Variants in DOCK8 observed in about 807,000 individuals in gnomAD.
DOCK8 encodes the protein dedicator of cytokinesis protein 8.
A neutral mutation model predicts 245.6 loss-of-function variants in DOCK8; 141 were observed. The observed-to-expected ratio is 0.57, with a 90% CI of 0.50 to 0.66. The LOEUF (loss-of-function observed/expected upper bound fraction) is 0.66, where lower values mean the gene tolerates loss of function less well. Among genes scored for constraint, DOCK8 ranks in the 30% least tolerant of loss-of-function variants. The probability of loss-of-function intolerance (pLI) is 0.00; values close to 1 mark genes in which losing one functional copy is unlikely to be tolerated. For missense variants in DOCK8, 2,965 were observed against 2,603.4 expected (o/e 1.14, Z -3.02); for synonymous variants, 1,168 against 970.2 (o/e 1.20, Z -3.79).
intron 7 of DOCK8, among the ~76,000 whole-genome samples, chr9:324,105 T>A (rs1055068809): frequency 4.6e-5 from 7 of 152,154 alleles, no homozygotes; most frequent in African/African-American, 1.7e-4. Flanking sequence ...GTAACCTGAT[T>A]AGGGTCGCAG....
intron 22 of DOCK8, among the ~76,000 whole-genome samples, chr9:384,248 A>C (rs73641539): frequency 0.072 from 10,964 of 152,220 alleles, 1,313 homozygotes; most frequent in African/African-American, 0.25. Context: ...TAAAAGATGG[A>C]GTATACGATC....
intron 25 of DOCK8, among the ~76,000 whole-genome samples, chr9:398,052 T>G (rs137872916): frequency 2.6e-5 from 4 of 152,384 alleles, no homozygotes; most frequent in African/African-American, 9.6e-5. Flanking sequence ...AGAATGTGCA[T>G]AGTACCAAGT....
At chr9:323,246 C>G (rs1267809250) in intron 7 of DOCK8, among the ~76,000 whole-genome samples, 4 of 97,120 alleles carry the variant, frequency 4.1e-5, no homozygotes. Context: ...TTTTTTGAGA[C>G]AGAGTCTCAC....
At chr9:412,422 G>GA (rs2055781847) in intron 28 of DOCK8, among the ~76,000 whole-genome samples, 1 of 135,152 alleles carries the variant, frequency 7.4e-6, no homozygotes, top group African/African-American at 2.8e-5. Context: ...AAAAAAAAAA[G>GA]AAAAAGAAGA....
chr9:340,353 G>C, intron 14 of DOCK8, 32 bp downstream of exon 14: 1 of 1,613,276 alleles, frequency 6.2e-7, no homozygotes, highest in Non-Finnish European at 8.5e-7. Context: ...TGGGCGTGGT[G>C]GCTTACACCA....
intron 14 of DOCK8, among the ~76,000 whole-genome samples, chr9:353,791 T>C (rs989931834): frequency 6.6e-6 from 1 of 152,190 alleles, no homozygotes; most frequent in Non-Finnish European, 1.5e-5. Flanking sequence ...ATTTTGTTTT[T>C]ATCTGCAGGA....
rs781052074 is a variant in DOCK8, at chr9:396,769, C to G, written c.2971-16C>G. ...ACCAATCTCCATGTTGACATTTCCT[C>G]CATCCCCCTCCGCAGGTGAAAAGCA... On this transcript the variant is annotated splice_polypyrimidine_tract_variant and intron_variant, in intron 24 of 47. Transcript: ENST00000432829. 2 of 1,614,142 alleles carry G rather than the reference C, an allele frequency of 1.2e-6. No homozygotes were observed. Among genetic ancestry groups the G allele is most frequent in the Non-Finnish European group, 1.7e-6 (2 of 1,180,012 alleles).
chr9:371,763 G>T (rs2053296735), intron 17 of DOCK8, among the ~76,000 whole-genome samples, 197 bp downstream of exon 17: 1 of 152,258 alleles, frequency 6.6e-6, no homozygotes, highest in Admixed American at 6.5e-5. Flanking sequence ...AAGCTAGCGG[G>T]TGATAGATGT....
intron 6 of DOCK8, chr9:312,451 G>C (rs779218652): frequency 3.7e-6 from 2 of 547,324 alleles, no homozygotes; most frequent in Non-Finnish European, 3.5e-6. Context: ...AATGTTTCAA[G>C]GGTCTACATG....
At chr9:428,868 T>C (rs1564057451) in intron 35 of DOCK8, among the ~76,000 whole-genome samples, 1 of 152,228 alleles carries the variant, frequency 6.6e-6, no homozygotes, top group Non-Finnish European at 1.5e-5. Flanking sequence ...TTACAAAATG[T>C]CATGCCATAA....
At chr9:322,814 C>A (rs2050578107) in intron 7 of DOCK8, among the ~76,000 whole-genome samples, 1 of 152,130 alleles carries the variant, frequency 6.6e-6, no homozygotes, top group East Asian at 1.9e-4. Flanking sequence ...TCCAATTGGC[C>A]TGGTGCAGTG....
Position 464,263 on chromosome 9 carries a change from G to T in DOCK8, c.*44G>T. On this transcript the variant is annotated 3_prime_UTR_variant, in exon 48 of 48. Transcript: ENST00000432829. ...GTGGAGACTGTGGCCCTGCAACCCTGGAGAAGGACTTGCTGGTACTTAAAA... is the reference window on the plus strand; with the variant it reads ...GTGGAGACTGTGGCCCTGCAACCCTTGAGAAGGACTTGCTGGTACTTAAAA... 6.5e-7 allele frequency: 1 copy of T among 1,538,670 alleles called. No homozygotes were observed. The highest frequency in any genetic ancestry group is 9.0e-7 in the Non-Finnish European group (1 of 1,111,168).
chr9:420,411 A>C lies in DOCK8; in HGVS notation c.3851A>C (p.Gln1284Pro). ...TCTGCCTCCCTTCAGCCCTATAAGC[A>C]GTACAACATGCTGAACGCGGACACT... ...GIVLSSLPYK[Q>P]YNMLNADTTR... The change falls in exon 31 of 48, where the codon CAG (glutamine) becomes CCG (proline). Residue 1284 changes from glutamine (Q) to proline (P), a missense_variant. Around this residue, in one of 3 missense-constraint regions of DOCK8, gnomAD observed 2,825 missense variants for 2,453.5 expected, o/e 1.15. Transcript: ENST00000432829. The C allele has an allele frequency of 6.2e-7, 1 of 1,614,160 alleles. No homozygotes were observed.
intron 10 of DOCK8, among the ~76,000 whole-genome samples, chr9:333,417 C>G (rs190120444): frequency 9.9e-5 from 15 of 152,020 alleles, no homozygotes; most frequent in African/African-American, 1.9e-4. Flanking sequence ...CTGGCCAACA[C>G]GGTGAAACCC....
intron 1 of DOCK8, among the ~76,000 whole-genome samples, chr9:218,969 G>T (rs528450844): frequency 1.1e-4 from 16 of 152,158 alleles, no homozygotes; most frequent in South Asian, 1.0e-3. Flanking sequence ...TATAGAAATT[G>T]TCCAAACTCA....
At chr9:430,089 C>T (rs2056654104) in intron 36 of DOCK8, among the ~76,000 whole-genome samples, 1 of 152,014 alleles carries the variant, frequency 6.6e-6, no homozygotes, top group Admixed American at 6.6e-5. Context: ...AATAGACAGC[C>T]AGGGGCCAGG....
At chr9:251,614 T>C (rs1400863276) in intron 1 of DOCK8, among the ~76,000 whole-genome samples, 1 of 152,196 alleles carries the variant, frequency 6.6e-6, no homozygotes, top group African/African-American at 2.4e-5. Flanking sequence ...AGTAGGGCTA[T>C]CTTCTGTCTC....
rs185971135 is a variant in DOCK8, at chr9:219,551, C to G, written c.53+4522C>G. ...CACCAGAGAGTGATTTTATGAAAGA[C>G]AAAAACAAGGTGGCAAGAAGAGAGA... On this transcript the variant is annotated intron_variant, in intron 1 of 47. Coordinates refer to ENST00000432829, the MANE Select transcript of DOCK8 (RefSeq NM_203447.4). Among the ~76,000 whole-genome samples the G allele has an allele frequency of 1.9e-4, 29 of 152,146 alleles. 1 individual carries two copies. The East Asian group carries it at 5.2e-3, about 27-fold the overall frequency.
intron 1 of DOCK8, among the ~76,000 whole-genome samples, chr9:231,616 C>A (rs2047119915): frequency 6.6e-6 from 1 of 152,148 alleles, no homozygotes; most frequent in Admixed American, 6.5e-5. Context: ...TCCTTCACAT[C>A]CCTTATAAGT....
Sources: allele counts gnomAD v4.1 joint callset (sites outside exome capture counted in the v4.1 genomes callset), GRCh38; gene constraint gnomAD v4.1.1; regional missense constraint gnomAD v4.1.1; transcripts MANE v1.5; gene names NCBI Gene and HGNC (gene_info 2026-07-23, HGNC 2026-07-21).